DIAPH2: variants seen among roughly 807,000 people sequenced by gnomAD.
DIAPH2 encodes the protein protein diaphanous homolog 2.
Under a neutral mutation model 92.7 loss-of-function variants are expected in DIAPH2, and 35 were observed. That is an observed-to-expected ratio of 0.38 (90% CI 0.29 to 0.50). The LOEUF (loss-of-function observed/expected upper bound fraction) is 0.50. DIAPH2 is among the 20% of genes least tolerant of loss of function. DIAPH2 has a pLI of 0.94. For synonymous variants in DIAPH2, 301 were observed against 280.4 expected, an observed-to-expected ratio of 1.07 and a Z score of -0.73; for missense variants, 701 against 819.5, an observed-to-expected ratio of 0.86 and a Z score of 1.77.
chrX:97,467,810 A>G (rs919753981), intron 26 of DIAPH2, among the ~76,000 whole-genome samples: 17 of 111,856 alleles, frequency 1.5e-4, no homozygotes, highest in African/African-American at 4.5e-4. Flanking sequence ...ACCTGGAACA[A>G]TGTGATTTGG....
chrX:97,033,957 G>A (rs936654056), intron 17 of DIAPH2, among the ~76,000 whole-genome samples: 1 of 111,448 alleles, frequency 9.0e-6, no homozygotes, highest in Non-Finnish European at 1.9e-5. Flanking sequence ...TGCCCTGCCA[G>A]CTGGGAATGT....
At chrX:96,694,177 T>TTATA (rs1475314818) in intron 1 of DIAPH2, among the ~76,000 whole-genome samples, 1 of 112,117 alleles carries the variant, frequency 8.9e-6, no homozygotes, top group Admixed American at 9.5e-5. Context: ...AGGGCCTAGG[T>TTATA]TATAGTTCAG....
chrX:97,356,512 A>C (rs186483852), intron 24 of DIAPH2, among the ~76,000 whole-genome samples: 1 of 111,886 alleles, frequency 8.9e-6, no homozygotes, highest in Admixed American at 9.5e-5. Context: ...TGGTAACTCT[A>C]TTAAGCAGAA....
At chrX:97,270,377 T>G (rs1191609999) in intron 23 of DIAPH2, among the ~76,000 whole-genome samples, 1 of 112,309 alleles carries the variant, frequency 8.9e-6, no homozygotes, top group Non-Finnish European at 1.9e-5. Context: ...AAGGAGATAC[T>G]ATTAACCTCA....
intron 21 of DIAPH2, among the ~76,000 whole-genome samples, chrX:97,132,252 G>A (rs1212132608): frequency 9.0e-6 from 1 of 111,326 alleles, no homozygotes; most frequent in Non-Finnish European, 1.9e-5. Context: ...ACTAAAGGGT[G>A]TAAAAAAGGG....
chrX:97,235,259 G>C (rs78871161), intron 22 of DIAPH2, among the ~76,000 whole-genome samples: 1 of 111,975 alleles, frequency 8.9e-6, no homozygotes, highest in African/African-American at 3.2e-5. Flanking sequence ...GGAGAATTCT[G>C]AAAAACATAA....
intron 23 of DIAPH2, among the ~76,000 whole-genome samples, chrX:97,295,674 T>A (rs959733607): frequency 9.9e-5 from 11 of 110,996 alleles, no homozygotes; most frequent in African/African-American, 1.3e-4. Flanking sequence ...GACTCTATAG[T>A]TAAGGCTCTT....
intron 4 of DIAPH2, among the ~76,000 whole-genome samples, chrX:96,807,491 A>G (rs1436140044): frequency 9.0e-6 from 1 of 111,341 alleles, no homozygotes. Context: ...CGGTAGCCTT[A>G]TTTGGATCAT....
chrX:97,000,122 T>C (rs2066133420), intron 17 of DIAPH2, among the ~76,000 whole-genome samples: 1 of 112,169 alleles, frequency 8.9e-6, no homozygotes, highest in Admixed American at 9.5e-5. Context: ...TCTATTGATA[T>C]CTGTTATGAA....
chrX:97,394,911 CAAA>C (rs2069691053), intron 25 of DIAPH2, among the ~76,000 whole-genome samples: 1 of 111,472 alleles, frequency 9.0e-6, no homozygotes, highest in Non-Finnish European at 1.9e-5. Context: ...TGGAGCCAGA[CAAA>C]ACCAGTTCAC....
intron 23 of DIAPH2, among the ~76,000 whole-genome samples, chrX:97,347,214 G>A (rs745882022): frequency 1.9e-5 from 2 of 105,258 alleles, no homozygotes; most frequent in South Asian, 4.5e-4. Context: ...TCAGCTTCCC[G>A]AGTAGCTGGG....
chrX:97,379,641 A>G (rs754511841), intron 24 of DIAPH2, among the ~76,000 whole-genome samples: 15 of 112,023 alleles, frequency 1.3e-4, no homozygotes, highest in African/African-American at 4.5e-4. Context: ...CTTACTACCA[A>G]TGGTTTTATT....
At chrX:96,907,440 G>C (rs2065440548) in intron 5 of DIAPH2, among the ~76,000 whole-genome samples, 1 of 112,198 alleles carries the variant, frequency 8.9e-6, no homozygotes, top group African/African-American at 3.2e-5. Context: ...AGAGCTATTA[G>C]CTAGATGTTA....
chrX:97,358,533 G>A (rs2069290852), intron 24 of DIAPH2, among the ~76,000 whole-genome samples: 1 of 111,286 alleles, frequency 9.0e-6, no homozygotes, highest in Non-Finnish European at 1.9e-5. Flanking sequence ...AAAACAATGT[G>A]CAATAGTCCA....
intron 17 of DIAPH2, among the ~76,000 whole-genome samples, chrX:97,055,538 T>C (rs773779041): frequency 1.8e-5 from 2 of 111,374 alleles, no homozygotes; most frequent in African/African-American, 6.5e-5. Flanking sequence ...GTGGAAGAGA[T>C]AAGAGTTGGA....
At chrX:96,895,269 T>TA (rs2065337557) in intron 5 of DIAPH2, among the ~76,000 whole-genome samples, 1 of 111,696 alleles carries the variant, frequency 9.0e-6, no homozygotes, top group Admixed American at 9.5e-5. Context: ...CCTCCCAAAA[T>TA]ACGGGGACTA....
chrX:96,820,195 T>C (rs2147674754), intron 4 of DIAPH2, among the ~76,000 whole-genome samples: 1 of 112,246 alleles, frequency 8.9e-6, no homozygotes, highest in East Asian at 2.8e-4. Context: ...CTAGGCTGAG[T>C]GCAATGGCTC....
intron 25 of DIAPH2, among the ~76,000 whole-genome samples, chrX:97,387,423 G>A (rs2069613160): frequency 8.9e-6 from 1 of 112,201 alleles, no homozygotes; most frequent in South Asian, 3.7e-4. Context: ...ATAGAAGCTG[G>A]CAAGTTTAAA....
At chrX:97,317,189 T>C (rs2068847891) in intron 23 of DIAPH2, among the ~76,000 whole-genome samples, 1 of 112,130 alleles carries the variant, frequency 8.9e-6, no homozygotes, top group Non-Finnish European at 1.9e-5. Flanking sequence ...TAATTTGTTT[T>C]TTTTAGCCCA....
Sources: allele counts gnomAD v4.1 joint callset (sites outside exome capture counted in the v4.1 genomes callset), GRCh38; gene constraint gnomAD v4.1.1; transcripts MANE v1.5; gene names NCBI Gene and HGNC (gene_info 2026-07-23, HGNC 2026-07-21).